Variants in CLUL1 observed in about 807,000 individuals in gnomAD.
The protein encoded by CLUL1 is clusterin-like protein 1.
In CLUL1, 43 loss-of-function variants were observed where a neutral mutation model predicts 49.4. The ratio of observed to expected loss-of-function variants is 0.87; its 90% confidence interval spans 0.68 to 1.12. The LOEUF (loss-of-function observed/expected upper bound fraction) is 1.12, where lower values mean the gene tolerates loss of function less well. Among genes scored for constraint, CLUL1 ranks in the 50% most tolerant of loss-of-function variants. The pLI is 0.00. For synonymous variants in CLUL1, 192 were observed against 184.9 expected (o/e 1.04, Z -0.31); for missense variants, 486 against 544.4 (o/e 0.89, Z 1.07).
At chr18:608,792 C>G (rs1015456956) in intron 2 of CLUL1, among the ~76,000 whole-genome samples, 1 of 152,240 alleles carries the variant, frequency 6.6e-6, no homozygotes, top group South Asian at 2.1e-4. Context: ...GCCTGGGTCT[C>G]TCACTGCCTT....
rs549626182 is a variant in CLUL1, at chr18:644,963, G to T, written c.1263G>T (p.Met421Ile). The change falls in exon 9 of 10, where the codon ATG (methionine) becomes ATT (isoleucine). Residue 421 changes from methionine (M) to isoleucine (I), a missense_variant. Transcript: ENST00000692774. ...GNISKQDETM[M>I]TDLSILPSSN... ...TTTCCAAACAAGATGAAACAATGAT[G>T]ACAGACTTAAGCATTCTGCCTTCCT... The T allele has an allele frequency of 6.2e-7, 1 of 1,613,494 alleles. No individual in the cohort carries two copies. The highest frequency in any genetic ancestry group is 1.1e-5 in the South Asian group (1 of 90,916).
intron 9 of CLUL1, among the ~76,000 whole-genome samples, chr18:646,497 GACACACACACAC>G (rs56076402): frequency 8.3e-4 from 117 of 141,360 alleles, no homozygotes; most frequent in East Asian, 2.1e-3. Flanking sequence ...CAGATAGATA[GACACACACACAC>G]ACACACACAC....
intron 2 of CLUL1, among the ~76,000 whole-genome samples, chr18:615,655 CT>C (rs2073265661): frequency 6.6e-6 from 1 of 152,212 alleles, no homozygotes; most frequent in African/African-American, 2.4e-5. Flanking sequence ...AACCATGCAT[CT>C]TTCAGGATAG....
At chr18:597,455 G>T (rs1310467471) in intron 1 of CLUL1, among the ~76,000 whole-genome samples, 6 of 152,196 alleles carry the variant, frequency 3.9e-5, no homozygotes, top group Non-Finnish European at 4.4e-5. Context: ...GCCGGGTGTG[G>T]TGGCTCACGC....
chr18:636,969 TTTTTG>T (rs1003661489), intron 7 of CLUL1, among the ~76,000 whole-genome samples: 3 of 146,308 alleles, frequency 2.1e-5, no homozygotes, highest in Non-Finnish European at 3.0e-5. Flanking sequence ...TTCTTTGTTT[TTTTTG>T]TTTTGTTTTG....
rs935634089 is a variant in CLUL1, at chr18:610,160, G to T, written c.-14+3061G>T. 2.6e-5 allele frequency among the ~76,000 whole-genome samples: 4 copies of T among 152,260 alleles called. No homozygotes were observed. The East Asian group carries it at 5.8e-4, about 22-fold the overall frequency. On this transcript the variant is annotated intron_variant, in intron 2 of 9. Transcript: ENST00000692774. ...ACCAAATTAAAACACATTTGCCAGG[G>T]TCATAATAATGTGGCCAGAATTTAA...
chr18:642,467 A>C (rs969747287), intron 8 of CLUL1, among the ~76,000 whole-genome samples: 1 of 152,156 alleles, frequency 6.6e-6, no homozygotes, highest in African/African-American at 2.4e-5. Flanking sequence ...TGCCATCTTA[A>C]ATTCCACCTA....
intron 1 of CLUL1, among the ~76,000 whole-genome samples, chr18:602,567 G>C (rs1956395009): frequency 6.6e-6 from 1 of 152,186 alleles, no homozygotes; most frequent in Admixed American, 6.5e-5. Flanking sequence ...TCTGCATAAA[G>C]CTATTTTCAT....
At chr18:625,920 G>C (rs946538937) in intron 5 of CLUL1, among the ~76,000 whole-genome samples, 1 of 152,110 alleles carries the variant, frequency 6.6e-6, no homozygotes, top group African/African-American at 2.4e-5. Context: ...AGCTACTGTC[G>C]CCTGCTAATA....
At chr18:643,846 T>C (rs1392221675) in intron 8 of CLUL1, among the ~76,000 whole-genome samples, 2 of 152,230 alleles carry the variant, frequency 1.3e-5, no homozygotes, top group Non-Finnish European at 2.9e-5. Flanking sequence ...GTTTTTCAAA[T>C]GAGGCACAGA....
chr18:634,535 T>A (rs912910646), intron 7 of CLUL1, among the ~76,000 whole-genome samples: 1 of 152,194 alleles, frequency 6.6e-6, no homozygotes, highest in Non-Finnish European at 1.5e-5. Context: ...CAAACACTAT[T>A]GTGTGCAAAA....
chr18:633,886 A>ATGAATCAGGGCGGAGCATGTAATCGG (rs2074066103), intron 7 of CLUL1, among the ~76,000 whole-genome samples: 1 of 151,476 alleles, frequency 6.6e-6, no homozygotes. Context: ...TGTAATCGAA[A>ATGAATCAGGGCGGAGCATGTAATCGG]AAGGTTGCTT....
At chr18:639,062 C>T (rs181528679) in intron 7 of CLUL1, among the ~76,000 whole-genome samples, 6 of 152,100 alleles carry the variant, frequency 3.9e-5, no homozygotes, top group African/African-American at 7.2e-5. Context: ...ATACAAATGC[C>T]GATATCATAC....
chr18:647,577 T>C (rs896885809), intron 9 of CLUL1, among the ~76,000 whole-genome samples: 1 of 152,170 alleles, frequency 6.6e-6, no homozygotes, highest in African/African-American at 2.4e-5. Flanking sequence ...CAGATCACTC[T>C]GCTCAAGATG....
intron 1 of CLUL1, among the ~76,000 whole-genome samples, chr18:602,959 C>T (rs1189461710): frequency 6.6e-6 from 1 of 152,008 alleles, no homozygotes; most frequent in Non-Finnish European, 1.5e-5. Context: ...TCTTGCAGGA[C>T]CTTGTAGGTA....
At chr18:646,591 C>T (rs1328855125) in intron 9 of CLUL1, among the ~76,000 whole-genome samples, 1 of 151,430 alleles carries the variant, frequency 6.6e-6, no homozygotes, top group Non-Finnish European at 1.5e-5. Context: ...TCTGGGAGTT[C>T]AGGGGAGGGT....
rs1289622282 is a variant in CLUL1, at chr18:606,015, T to G, written c.-135-963T>G. 1.3e-5 allele frequency among the ~76,000 whole-genome samples: 2 copies of G among 152,188 alleles called. No individual in the cohort carries two copies. Among genetic ancestry groups the G allele is most frequent in the Non-Finnish European group, 2.9e-5 (2 of 68,040 alleles). ...TTTTTATTCTATGTTTTAATGAATT[T>G]ACACGTTACCCAAATGTTCCCTAGT... On this transcript the variant is annotated intron_variant, in intron 1 of 9. Coordinates refer to ENST00000692774, the MANE Select transcript of CLUL1 (RefSeq NM_001393344.1). This position sits in a 1 kb window ranked among gnomAD's most constrained non-coding sequence, Gnocchi z 4.1.
chr18:625,821 TACTC>T (rs2073670842), intron 5 of CLUL1, among the ~76,000 whole-genome samples: 1 of 151,982 alleles, frequency 6.6e-6, no homozygotes, highest in South Asian at 2.1e-4. Flanking sequence ...GGCAATGCCG[TACTC>T]AATTACAAAG....
intron 7 of CLUL1, among the ~76,000 whole-genome samples, chr18:635,288 G>A (rs11660005): frequency 0.1 from 15,446 of 152,118 alleles, 901 homozygotes; most frequent in East Asian, 0.18. Context: ...CCTAAGGAGC[G>A]CTCAACCTAG....
Sources: allele counts gnomAD v4.1 joint callset (sites outside exome capture counted in the v4.1 genomes callset), GRCh38; gene constraint gnomAD v4.1.1; non-coding constraint Gnocchi (gnomAD v3.1); transcripts MANE v1.5; gene names NCBI Gene and HGNC (gene_info 2026-07-23, HGNC 2026-07-21).